The following DPYSL5 variants were observed in gnomAD, a reference collection of about 807,000 sequenced individuals.
DPYSL5 encodes the protein dihydropyrimidinase-related protein 5.
A neutral mutation model predicts 58.4 loss-of-function variants in DPYSL5; 9 were observed. The observed-to-expected ratio is 0.15, with a 90% confidence interval of 0.09 to 0.27. DPYSL5 has a LOEUF of 0.27. Among genes scored for constraint, DPYSL5 ranks in the 10% least tolerant of loss-of-function variants. DPYSL5 has a pLI of 1.00. For missense variants in DPYSL5, 499 were observed against 770.6 expected (o/e 0.65, Z 4.17); for synonymous variants, 293 against 301.9 (o/e 0.97, Z 0.31).
At position 26,947,862 on chromosome 2, in the gene DPYSL5, C is replaced by T. The variant is rs1459808973; in HGVS notation, c.*867C>T. 2 of 152,830 alleles carry T rather than the reference C, an allele frequency of 1.3e-5. No individual in the cohort carries two copies. Among genetic ancestry groups the T allele is most frequent in the African/African-American group, 4.8e-5 (2 of 41,430 alleles). 9.5% of individuals were successfully genotyped at this position (152,830 alleles called of 1,614,324 possible). The stretch of plus-strand genomic sequence containing the variant: ...TGGAGGGGGCTGGGCTCACAGGCCT[C>T]TCTTTTCCCCGCCTGCAGTCTTCTG... On this transcript the variant is annotated 3_prime_UTR_variant, in exon 13 of 13. Coordinates refer to ENST00000288699, the MANE Select transcript of DPYSL5 (RefSeq NM_020134.4). This position sits in a 1 kb window ranked among gnomAD's most constrained non-coding sequence, Gnocchi z 4.2.
In DPYSL5 at chr2:26,936,235, T is replaced by C. The variant is rs574172883; in HGVS notation, c.947+1501T>C. On this transcript the variant is annotated intron_variant, in intron 8 of 12. Transcript: ENST00000288699. Reference sequence around the variant, plus strand: ...GGTCCCGCTTTCTAGACCTGGGGGATGGGGATTCGCCTCTTCTAAGATGGT... The same window carrying C: ...GGTCCCGCTTTCTAGACCTGGGGGACGGGGATTCGCCTCTTCTAAGATGGT... Among the ~76,000 whole-genome samples the C allele has an allele frequency of 2.8e-3, 423 of 152,264 alleles. 2 individuals are homozygous for C. The highest frequency in any genetic ancestry group is 9.5e-3 in the African/African-American group (396 of 41,560).
Position 26,934,870 on chromosome 2 carries a change from G to A in DPYSL5, c.947+136G>A. ...TCATTGTGCTTTTCTTACCTTCTCT[G>A]AGCCCATCAGATAATTGCCATCCTA... is the stretch of plus-strand genomic sequence containing the variant. On this transcript the variant is annotated intron_variant, in intron 8 of 12. Coordinates refer to ENST00000288699, the MANE Select transcript of DPYSL5 (RefSeq NM_020134.4). This position sits in a 1 kb window ranked among gnomAD's most constrained non-coding sequence, Gnocchi z 4.3. 3 of 1,190,808 alleles carry A rather than the reference G, an allele frequency of 2.5e-6. No individual in the cohort carries two copies. The South Asian group carries it at 4.4e-5, about 17-fold the overall frequency. The allele number at this position is 1,190,808 out of a possible 1,614,324, so 73.8% of individuals were successfully genotyped here. A position where few individuals can be genotyped will look rare whatever the true frequency, so the allele number is the denominator to read the frequency against.
At chr2:26,946,192 C>G (rs137864988) in intron 12 of DPYSL5, among the ~76,000 whole-genome samples, 8 of 152,322 alleles carry the variant, frequency 5.3e-5, no homozygotes, top group Non-Finnish European at 8.8e-5. Context: ...ACCAAGACCC[C>G]AGAGCTGCAG....
In DPYSL5 at chr2:26,849,298, C is replaced by G. The variant is rs532833046; in HGVS notation, c.-5+1044C>G. 5.8e-4 allele frequency among the ~76,000 whole-genome samples: 88 copies of G among 151,396 alleles called. No individual in the cohort carries two copies. Among genetic ancestry groups the G allele is most frequent in the African/African-American group, 2.0e-3 (82 of 41,308 alleles). On this transcript the variant is annotated intron_variant, in intron 1 of 12. Coordinates refer to ENST00000288699, the MANE Select transcript of DPYSL5 (RefSeq NM_020134.4). This position sits in a 1 kb window ranked among gnomAD's most constrained non-coding sequence, Gnocchi z 6.2. Reference sequence around the variant, plus strand: ...GGAGGACGGGAGCGAGGAGAAGACCCGCGCTGTGCGGGGGAGGGGGGCCTC... The same window carrying G: ...GGAGGACGGGAGCGAGGAGAAGACCGGCGCTGTGCGGGGGAGGGGGGCCTC...
chr2:26,934,771 C>T lies in DPYSL5; in HGVS notation c.947+37C>T. 2 of 1,610,388 alleles carry T rather than the reference C, an allele frequency of 1.2e-6. No homozygotes were observed. The highest frequency in any genetic ancestry group is 1.7e-6 in the Non-Finnish European group (2 of 1,177,850). On this transcript the variant is annotated intron_variant, in intron 8 of 12. Coordinates refer to ENST00000288699, the MANE Select transcript of DPYSL5 (RefSeq NM_020134.4). The surrounding 1 kb of genome is among the most constrained non-coding windows in gnomAD (Gnocchi z 4.3). Reference sequence around the variant, plus strand: ...CAGCAGCACATTGCAGGGATGTGTACATCTTTAGGAAGACGTCATAGAGGG... The same window carrying T: ...CAGCAGCACATTGCAGGGATGTGTATATCTTTAGGAAGACGTCATAGAGGG...
chr2:26,888,767 C>T (rs1314585668), intron 1 of DPYSL5, among the ~76,000 whole-genome samples: 2 of 152,052 alleles, frequency 1.3e-5, no homozygotes, highest in African/African-American at 2.4e-5. Flanking sequence ...TATTTTAAGG[C>T]CCAGTTGTTA....
intron 2 of DPYSL5, among the ~76,000 whole-genome samples, chr2:26,912,421 A>G (rs1236399632): frequency 6.6e-6 from 1 of 152,190 alleles, no homozygotes; most frequent in Non-Finnish European, 1.5e-5. Context: ...GCGGAGTTAC[A>G]TGTGTCTTAT....
intron 1 of DPYSL5, among the ~76,000 whole-genome samples, chr2:26,895,469 A>G (rs2148134741): frequency 6.6e-6 from 1 of 152,312 alleles, no homozygotes; most frequent in South Asian, 2.1e-4. Flanking sequence ...GACAGATAAA[A>G]TTGTATGTAT....
chr2:26,909,442 A>C (rs1330165971), intron 2 of DPYSL5, among the ~76,000 whole-genome samples: 1 of 152,140 alleles, frequency 6.6e-6, no homozygotes, highest in African/African-American at 2.4e-5. Context: ...GATCCACAGT[A>C]TTCTCAATTA....
At chr2:26,893,690 G>A (rs1027771053) in intron 1 of DPYSL5, among the ~76,000 whole-genome samples, 1 of 152,144 alleles carries the variant, frequency 6.6e-6, no homozygotes, top group African/African-American at 2.4e-5. Context: ...AGCGGGCGGA[G>A]ACAAAGATGA....
intron 1 of DPYSL5, among the ~76,000 whole-genome samples, chr2:26,876,193 A>G (rs1024734962): frequency 6.6e-6 from 1 of 152,164 alleles, no homozygotes; most frequent in Admixed American, 6.5e-5. Flanking sequence ...TTCTGCTCCC[A>G]TTTTGTAGCC....
chr2:26,948,923 A>G lies in DPYSL5; in HGVS notation c.*1928A>G, dbSNP rs1304751262. On this transcript the variant is annotated 3_prime_UTR_variant, in exon 13 of 13. Coordinates refer to ENST00000288699, the MANE Select transcript of DPYSL5 (RefSeq NM_020134.4). Reference sequence around the variant, plus strand: ...GTAGTGCTTTTCATGTATTCAAACCACTTCCGTATATGACCTCTCACTTAG... The same window carrying G: ...GTAGTGCTTTTCATGTATTCAAACCGCTTCCGTATATGACCTCTCACTTAG... The G allele has an allele frequency of 6.6e-6, 1 of 152,172 alleles. No homozygotes were observed. Among genetic ancestry groups the G allele is most frequent in the Admixed American group, 6.5e-5 (1 of 15,272 alleles). The allele number at this position is 152,172 out of a possible 1,614,324, so 9.4% of individuals were successfully genotyped here. A position where few individuals can be genotyped will look rare whatever the true frequency, so the allele number is the denominator to read the frequency against.
Position 26,934,958 on chromosome 2 carries a change from A to C in DPYSL5, c.947+224A>C, listed in dbSNP as rs937422968. Among the ~76,000 whole-genome samples, 1 of 152,212 alleles carries C rather than the reference A, an allele frequency of 6.6e-6. No individual in the cohort carries two copies. Among genetic ancestry groups the C allele is most frequent in the South Asian group, 2.1e-4 (1 of 4,822 alleles). ...TCTGAAGTATAAGAGTGAAGAGCAC[A>C]TATAGAACTGTGAACCGTGGTTATT... On this transcript the variant is annotated intron_variant, in intron 8 of 12. Transcript: ENST00000288699. This position sits in a 1 kb window ranked among gnomAD's most constrained non-coding sequence, Gnocchi z 4.3.
chr2:26,873,244 A>G (rs1470498681), intron 1 of DPYSL5, among the ~76,000 whole-genome samples: 1 of 152,130 alleles, frequency 6.6e-6, no homozygotes, highest in Non-Finnish European at 1.5e-5. Context: ...GAGTTTTGAC[A>G]TTTTTATTTG....
intron 1 of DPYSL5, among the ~76,000 whole-genome samples, chr2:26,873,816 G>A (rs867767293): frequency 1.3e-5 from 2 of 152,126 alleles, no homozygotes; most frequent in South Asian, 2.1e-4. Flanking sequence ...TTCTTTACTC[G>A]GTCTACTGAC....
chr2:26,879,799 CA>C (rs1663510364), intron 1 of DPYSL5, among the ~76,000 whole-genome samples: 1 of 152,214 alleles, frequency 6.6e-6, no homozygotes, highest in Admixed American at 6.5e-5. Flanking sequence ...TGTGTTTCCA[CA>C]AACCACAGAT....
intron 12 of DPYSL5, among the ~76,000 whole-genome samples, chr2:26,946,622 T>C (rs3769137): frequency 0.59 from 90,373 of 152,112 alleles, 27,210 homozygotes; most frequent in East Asian, 0.7. Context: ...TACGAGAGAC[T>C]GTATGCCTAG....
intron 6 of DPYSL5, among the ~76,000 whole-genome samples, chr2:26,932,412 C>T (rs1346564428): frequency 2.0e-5 from 3 of 152,202 alleles, no homozygotes; most frequent in African/African-American, 7.2e-5. Flanking sequence ...CAGTTCATTG[C>T]TCACGTGTAA....
At position 26,947,602 on chromosome 2, in the gene DPYSL5, C is replaced by CG. The variant is rs61089591; in HGVS notation, c.*613dup. ...TTCTCCTGCGCCCCGCCCACACCCT[C>CG]GGGGGGTCACAGGCCCAGAAGGGTA... On this transcript the variant is annotated 3_prime_UTR_variant, in exon 13 of 13. Coordinates refer to ENST00000288699, the MANE Select transcript of DPYSL5 (RefSeq NM_020134.4). This position sits in a 1 kb window ranked among gnomAD's most constrained non-coding sequence, Gnocchi z 4.2. 83,100 of 152,648 alleles carry CG rather than the reference C, an allele frequency of 0.54. 23,707 individuals are homozygous for CG. Among genetic ancestry groups the CG allele is most frequent in the East Asian group, 0.7 (3,578 of 5,132 alleles). The allele number at this position is 152,648 out of a possible 1,614,324, so 9.5% of individuals were successfully genotyped here. A position where few individuals can be genotyped will look rare whatever the true frequency, so the allele number is the denominator to read the frequency against.
Sources: gnomAD v4.1 joint callset for allele counts (sites outside exome capture counted in the v4.1 genomes callset) on GRCh38, gnomAD v4.1.1 for gene constraint, Gnocchi (gnomAD v3.1) non-coding constraint, MANE v1.5 for transcripts, NCBI Gene and HGNC (gene_info 2026-07-23, HGNC 2026-07-21) for gene names.